The following ABTB2 variants were observed in gnomAD, a reference collection of about 807,000 sequenced individuals.
The protein encoded by ABTB2 is ankyrin repeat and BTB domain containing 2.
A neutral mutation model predicts 104.1 loss-of-function variants in ABTB2; 56 were observed. That is an observed-to-expected ratio of 0.54 (90% CI 0.43 to 0.67). ABTB2 has a LOEUF of 0.67. ABTB2 is among the 30% of genes least tolerant of loss of function. The probability of loss-of-function intolerance (pLI) is 0.00; values close to 1 mark genes in which losing one functional copy is unlikely to be tolerated. For missense variants in ABTB2, 1,279 were observed against 1,407.7 expected (o/e 0.91, Z 1.46); for synonymous variants, 606 against 608.2 (o/e 1.00, Z 0.05).
intron 1 of ABTB2, among the ~76,000 whole-genome samples, chr11:34,349,018 G>A (rs537165120): frequency 1.5e-3 from 232 of 152,328 alleles, no homozygotes; most frequent in Non-Finnish European, 2.1e-3. Flanking sequence ...TTCCTCAGGA[G>A]TACTTGGGCT....
chr11:34,229,896 TG>T (rs1853746592), intron 1 of ABTB2, among the ~76,000 whole-genome samples: 1 of 152,252 alleles, frequency 6.6e-6, no homozygotes, highest in Admixed American at 6.5e-5. Context: ...TAGCTATCTT[TG>T]GAACGGGCCT....
Position 34,164,742 on chromosome 11 carries a change from G to T in ABTB2, c.1932C>A (p.Gly644=). Residue 644 remains glycine (G), a synonymous_variant, in exon 9 of 17, where the codon GGC becomes GGA. Transcript: ENST00000435224. ...AGTTCATGTCCTCGTGGAGGGAGGA[G>T]CCCATGCCGTGGGCCTCCAGCATGC... ...LLSMLEAHGM[G]SSLHEDMNCF... 6.4e-7 allele frequency: 1 copy of T among 1,556,444 alleles called. No individual in the cohort carries two copies. The highest frequency in any genetic ancestry group is 8.6e-7 in the Non-Finnish European group (1 of 1,161,476).
At chr11:34,354,560 C>A (rs1855440450) in intron 1 of ABTB2, among the ~76,000 whole-genome samples, 1 of 152,100 alleles carries the variant, frequency 6.6e-6, no homozygotes, top group African/African-American at 2.4e-5. Context: ...GGAATGCTGA[C>A]CCTAGATAAG....
chr11:34,351,168 G>A (rs2133129260), intron 1 of ABTB2, among the ~76,000 whole-genome samples: 1 of 152,316 alleles, frequency 6.6e-6, no homozygotes, highest in Admixed American at 6.5e-5. Context: ...CCATTCTTGG[G>A]ATGCCAACCC....
chr11:34,337,902 T>C (rs1855211432), intron 1 of ABTB2, among the ~76,000 whole-genome samples: 1 of 152,140 alleles, frequency 6.6e-6, no homozygotes. Context: ...AACCATGATC[T>C]CCATCTTACC....
At chr11:34,321,634 C>A (rs1261969738) in intron 1 of ABTB2, among the ~76,000 whole-genome samples, 4 of 152,214 alleles carry the variant, frequency 2.6e-5, no homozygotes, top group Non-Finnish European at 1.5e-5. Context: ...TCAACAGTGT[C>A]ATCAAGGACC....
chr11:34,186,068 G>A (rs1853094444), intron 3 of ABTB2, among the ~76,000 whole-genome samples: 1 of 152,222 alleles, frequency 6.6e-6, no homozygotes, highest in South Asian at 2.1e-4. Context: ...AAGCTGGAAG[G>A]AGGCGTGATG....
chr11:34,263,349 C>A (rs548681453), intron 1 of ABTB2, among the ~76,000 whole-genome samples: 10 of 152,210 alleles, frequency 6.6e-5, no homozygotes, highest in South Asian at 4.1e-4. Context: ...ATAAAATCGG[C>A]TTTTTATTGC....
At chr11:34,288,113 AT>A (rs767053228) in intron 1 of ABTB2, among the ~76,000 whole-genome samples, 4 of 152,138 alleles carry the variant, frequency 2.6e-5, no homozygotes, top group Non-Finnish European at 4.4e-5. Flanking sequence ...ATTTCAACTC[AT>A]TTCCCCCAAT....
intron 3 of ABTB2, 22 bp from the exon 4 acceptor site, chr11:34,173,329 G>T: frequency 6.4e-7 from 1 of 1,567,066 alleles, no homozygotes; most frequent in Non-Finnish European, 8.7e-7. Context: ...CAGAGAGAGG[G>T]TCAGGCCTGG....
intron 1 of ABTB2, among the ~76,000 whole-genome samples, chr11:34,224,251 C>G (rs1161181371): frequency 6.6e-6 from 1 of 152,104 alleles, no homozygotes; most frequent in Non-Finnish European, 1.5e-5. Flanking sequence ...CTCAAGCAGT[C>G]CTTTTGCTTC....
chr11:34,256,359 T>C (rs186886554), intron 1 of ABTB2, among the ~76,000 whole-genome samples: 219 of 152,308 alleles, frequency 1.4e-3, no homozygotes, highest in African/African-American at 5.2e-3. Context: ...AGGCTCCCTT[T>C]CGTCTTCTGA....
At position 34,173,077 on chromosome 11, in the gene ABTB2, T is replaced by TG. The variant is rs899742107; in HGVS notation, c.1397+77dup. 2.0e-4 allele frequency: 314 copies of TG among 1,582,238 alleles called. 1 individual carries two copies. Among genetic ancestry groups the TG allele is most frequent in the Non-Finnish European group, 2.6e-4 (303 of 1,161,462 alleles). ...GCTCTCTGACCCCCGCCCAGCCATC[T>TG]GGGGAAGAAGCGAGCAGAGGGGAGC... On this transcript the variant is annotated intron_variant, in intron 4 of 16. Coordinates refer to ENST00000435224, the MANE Select transcript of ABTB2 (RefSeq NM_145804.3).
chr11:34,188,590 CATTTTGGGT>C (rs1853133199), intron 3 of ABTB2, among the ~76,000 whole-genome samples: 1 of 152,152 alleles, frequency 6.6e-6, no homozygotes, highest in Non-Finnish European at 1.5e-5. Flanking sequence ...CATTTACTTC[CATTTTGGGT>C]AAACAGATGG....
intron 1 of ABTB2, among the ~76,000 whole-genome samples, chr11:34,354,655 T>G (rs2133131628): frequency 6.6e-6 from 1 of 152,360 alleles, no homozygotes; most frequent in Non-Finnish European, 1.5e-5. Flanking sequence ...CAGGGTGTCC[T>G]GGGCAGGGAG....
At chr11:34,223,232 C>T (rs1020666156) in intron 1 of ABTB2, among the ~76,000 whole-genome samples, 6 of 152,154 alleles carry the variant, frequency 3.9e-5, no homozygotes, top group Non-Finnish European at 8.8e-5. Flanking sequence ...TTCAGCAGAA[C>T]CTGTTTCCTC....
chr11:34,317,224 T>C (rs998093461), intron 1 of ABTB2, among the ~76,000 whole-genome samples: 1 of 152,240 alleles, frequency 6.6e-6, no homozygotes, highest in Admixed American at 6.5e-5. Flanking sequence ...TAGATATGCC[T>C]GATGAGCCTG....
At position 34,195,798 on chromosome 11, in the gene ABTB2, C is replaced by T. The variant is rs759005468; in HGVS notation, c.1244+1527G>A. On this transcript the variant is annotated intron_variant, in intron 3 of 16. Transcript: ENST00000435224. ...GCACATAGTAAACACTCAGTAAATC[C>T]ACCTTAGTGCCTTTGTTTTCTGGGG... is the stretch of plus-strand genomic sequence containing the variant. Among the ~76,000 whole-genome samples the T allele has an allele frequency of 8.5e-5, 13 of 152,192 alleles. 1 individual carries two copies. The highest frequency in any genetic ancestry group is 1.5e-4 in the Non-Finnish European group (10 of 68,030).
At chr11:34,232,746 G>A (rs954528284) in intron 1 of ABTB2, among the ~76,000 whole-genome samples, 1 of 152,066 alleles carries the variant, frequency 6.6e-6, no homozygotes, top group Non-Finnish European at 1.5e-5. Context: ...AGACCAAGGT[G>A]GGAGGATCAC....
Sources: allele counts gnomAD v4.1 joint callset (sites outside exome capture counted in the v4.1 genomes callset), GRCh38; gene constraint gnomAD v4.1.1; transcripts MANE v1.5; gene names NCBI Gene and HGNC (gene_info 2026-07-23, HGNC 2026-07-21).